Variants in NUP58 observed in about 807,000 individuals in gnomAD.
The protein encoded by NUP58 is nucleoporin 58.
In NUP58, 17 loss-of-function variants were observed where a neutral mutation model predicts 70.1. The observed-to-expected ratio is 0.24, with a 90% confidence interval of 0.17 to 0.36. The LOEUF (loss-of-function observed/expected upper bound fraction) is 0.36. Ranked by LOEUF, NUP58 falls within the 10% of genes least tolerant of loss-of-function variation. NUP58 has a pLI of 1.00. For synonymous variants in NUP58, 275 were observed against 257.6 expected, an observed-to-expected ratio of 1.07 and a Z score of -0.65; for missense variants, 644 against 701.5, an observed-to-expected ratio of 0.92 and a Z score of 0.93.
intron 6 of NUP58, among the ~76,000 whole-genome samples, chr13:25,318,715 A>G (rs1466230084): frequency 1.3e-5 from 2 of 152,220 alleles, no homozygotes; most frequent in Non-Finnish European, 2.9e-5. Context: ...TTTCACCTAC[A>G]TAACTGGCAA....
intron 3 of NUP58, among the ~76,000 whole-genome samples, chr13:25,348,065 T>C (rs975473149): frequency 2.6e-5 from 4 of 152,318 alleles, no homozygotes; most frequent in Admixed American, 2.6e-4. Context: ...GTCTGCACTG[T>C]CCACAGTGGT....
At chr13:25,342,749 A>G (rs1001662388), downstream of NUP58, among the ~76,000 whole-genome samples, 1 of 152,160 alleles carries the variant, frequency 6.6e-6, no homozygotes, top group South Asian at 2.1e-4. Context: ...ATGTCTTAAA[A>G]GAATATATAA....
intron 13 of NUP58, chr13:25,332,887 C>G (rs2031660048): frequency 2.0e-6 from 2 of 985,204 alleles, no homozygotes; most frequent in South Asian, 9.4e-5. Context: ...TGACCATCAG[C>G]TCTCATGATT....
chr13:25,302,427 T>G (rs1566053208), intron 1 of NUP58, among the ~76,000 whole-genome samples: 2 of 152,232 alleles, frequency 1.3e-5, no homozygotes, highest in African/African-American at 4.8e-5. Context: ...ACAGTGTTTA[T>G]TAGTGGTAAT....
intron 13 of NUP58, chr13:25,333,321 T>G: frequency 3.0e-6 from 3 of 985,364 alleles, no homozygotes; most frequent in Non-Finnish European, 3.6e-6. Flanking sequence ...CTGTGGTGGT[T>G]GACAATGTTA....
chr13:25,322,012 C>T (rs1251781647), intron 9 of NUP58, among the ~76,000 whole-genome samples: 1 of 152,196 alleles, frequency 6.6e-6, no homozygotes, highest in Non-Finnish European at 1.5e-5. Flanking sequence ...ATATACAATA[C>T]ATATTAAATA....
downstream of NUP58, among the ~76,000 whole-genome samples, chr13:25,343,507 G>T (rs1391743745): frequency 6.7e-6 from 1 of 149,554 alleles, no homozygotes; most frequent in Non-Finnish European, 1.5e-5. Flanking sequence ...TTGTCGCCCA[G>T]GCTGATGCCA....
rs73470474 is a variant in NUP58 at position 25,341,235 on chromosome 13, C to T, written c.*1101C>T. 6.6e-6 allele frequency: 1 copy of T among 152,632 alleles called. No homozygotes were observed. The highest frequency in any genetic ancestry group is 1.9e-4 in the East Asian group (1 of 5,170). The allele number at this position is 152,632 out of a possible 1,614,324, so 9.5% of individuals were successfully genotyped here. A position where few individuals can be genotyped will look rare whatever the true frequency, so the allele number is the denominator to read the frequency against. On this transcript the variant is annotated 3_prime_UTR_variant, in exon 16 of 16. Transcript: ENST00000381736. ...GTAAGACTCATCAAACAGATTTTAACCATTTTATTATCCTGTGTGTCCTTA... is the reference window on the plus strand; with the variant it reads ...GTAAGACTCATCAAACAGATTTTAATCATTTTATTATCCTGTGTGTCCTTA...
intron 5 of NUP58, among the ~76,000 whole-genome samples, chr13:25,314,332 C>G (rs2030824992): frequency 6.6e-6 from 1 of 150,974 alleles, no homozygotes; most frequent in African/African-American, 2.5e-5. Flanking sequence ...GTAAACTGAT[C>G]TAGAGATAAC....
chr13:25,335,508 A>G (rs2031749087), intron 13 of NUP58: 1 of 985,048 alleles, frequency 1.0e-6, no homozygotes, highest in South Asian at 4.7e-5. Context: ...TTTTTCCTAT[A>G]GTAACATTTT....
chr13:25,320,428 C>T, intron 7 of NUP58, 102 bp from the exon 8 acceptor site: 1 of 714,206 alleles, frequency 1.4e-6, no homozygotes, highest in Admixed American at 3.2e-5. Context: ...TGCTTTTTTG[C>T]TATATTTTCT....
rs1432098595 is a variant in NUP58 at position 25,307,931 on chromosome 13, T to C, written c.233T>C (p.Leu78Pro). 6.2e-7 allele frequency: 1 copy of C among 1,613,998 alleles called. No individual in the cohort carries two copies. The highest frequency in any genetic ancestry group is 1.7e-5 in the Admixed American group (1 of 59,992). Residue 78 changes from leucine (L) to proline (P), a missense_variant, in exon 2 of 16, where the codon CTA becomes CCA. Transcript: ENST00000381736. ...TCTAAACCTGCCACTGGGTTCACTC[T>C]AGGAGGAACAAATACAGGTGAGGAG... Reference protein sequence around the residue: ...FGSKPATGFTLGGTNTGIATT... With the variant: ...FGSKPATGFTPGGTNTGIATT...
At chr13:25,307,764 T>G in intron 1 of NUP58, 42 bp from the exon 2 acceptor site, 1 of 1,608,198 alleles carries the variant, frequency 6.2e-7, no homozygotes, top group Non-Finnish European at 8.5e-7. Flanking sequence ...GACCTCCTTT[T>G]GTGCATGTGA....
chr13:25,343,829 A>C (rs2032013678), downstream of NUP58, among the ~76,000 whole-genome samples: 1 of 140,528 alleles, frequency 7.1e-6, no homozygotes, highest in South Asian at 2.2e-4. Flanking sequence ...ATATATATAC[A>C]CATATATATA....
chr13:25,342,954 A>G (rs567585661), downstream of NUP58, among the ~76,000 whole-genome samples: 1 of 152,256 alleles, frequency 6.6e-6, no homozygotes, highest in African/African-American at 2.4e-5. Context: ...ATACTGTCCC[A>G]TAGAATGGGT....
intron 13 of NUP58, among the ~76,000 whole-genome samples, chr13:25,336,523 A>G (rs1428588351): frequency 6.6e-6 from 1 of 152,196 alleles, no homozygotes; most frequent in African/African-American, 2.4e-5. Flanking sequence ...GATTAAAAAA[A>G]GTAAAAACCA....
rs773928976 is a variant in NUP58 at position 25,340,136 on chromosome 13, CAT to C, written c.*3_*4del. The C allele has an allele frequency of 4.3e-6, 7 of 1,609,608 alleles. No homozygotes were observed. The African/African-American group carries it at 8.0e-5, about 18-fold the overall frequency. On this transcript the variant is annotated 3_prime_UTR_variant, in exon 16 of 16. Coordinates refer to ENST00000381736, the MANE Select transcript of NUP58 (RefSeq NM_014089.4). ...GGAAACAAAAGAGGAAAAAGATAAA[CAT>C]GGGTTGATGTGTTGAGAGAATCCAT...
chr13:25,326,776 C>G (rs2031411575), intron 10 of NUP58, 140 bp from the exon 11 acceptor site: 11 of 466,868 alleles, frequency 2.4e-5, no homozygotes, highest in Non-Finnish European at 4.2e-5. Context: ...CTTCCAGTCA[C>G]AGTTATTCAG....
chr13:25,335,784 G>T (rs1247482914), intron 13 of NUP58: 2 of 983,988 alleles, frequency 2.0e-6, no homozygotes, highest in Non-Finnish European at 1.2e-6. Context: ...TAACTTGAAG[G>T]CTTTGATTTC....
Sources: allele counts gnomAD v4.1 joint callset (sites outside exome capture counted in the v4.1 genomes callset), GRCh38; gene constraint gnomAD v4.1.1; transcripts MANE v1.5; gene names NCBI Gene and HGNC (gene_info 2026-07-23, HGNC 2026-07-21).